Variants in RIPOR2 observed in about 807,000 individuals in gnomAD.
The protein encoded by RIPOR2 is RHO family interacting cell polarization regulator 2.
RIPOR2 carries 39 observed loss-of-function variants against 114.5 expected under a neutral mutation model. That is an observed-to-expected ratio of 0.34 (90% CI 0.26 to 0.44). RIPOR2 has a LOEUF of 0.44. RIPOR2 is among the 20% of genes least tolerant of loss of function. RIPOR2 has a pLI of 1.00. For synonymous variants in RIPOR2, 445 were observed against 484.4 expected (o/e 0.92, Z 1.07); for missense variants, 1,007 against 1,255.1 (o/e 0.80, Z 2.99).
intron 1 of RIPOR2, chr6:25,024,141 C>T: frequency 1.0e-6 from 1 of 999,762 alleles, no homozygotes; most frequent in Non-Finnish European, 1.6e-6. Context: ...ACCGGTGGCG[C>T]CGCGGGACAC....
At chr6:24,943,302 G>A (rs1400255179) in intron 1 of RIPOR2, among the ~76,000 whole-genome samples, 1 of 152,116 alleles carries the variant, frequency 6.6e-6, no homozygotes, top group Non-Finnish European at 1.5e-5. Context: ...GAGAACACTT[G>A]GACACAGGAA....
At chr6:24,841,492 G>A (rs75985316) in intron 13 of RIPOR2, among the ~76,000 whole-genome samples, 1 of 152,004 alleles carries the variant, frequency 6.6e-6, no homozygotes, top group East Asian at 1.9e-4. Flanking sequence ...TCATCTGCCT[G>A]GGGCACAAAT....
chr6:24,842,517 C>G (rs568942380), intron 13 of RIPOR2, among the ~76,000 whole-genome samples: 2 of 152,272 alleles, frequency 1.3e-5, no homozygotes, highest in Admixed American at 6.5e-5. Flanking sequence ...TTTCCCGACC[C>G]CCTGAGAGGG....
intron 7 of RIPOR2, among the ~76,000 whole-genome samples, chr6:24,863,289 T>C (rs947991606): frequency 6.6e-6 from 1 of 152,186 alleles, no homozygotes; most frequent in Non-Finnish European, 1.5e-5. Flanking sequence ...AAATGAGGTA[T>C]GAGGCTACAG....
Position 24,850,648 on chromosome 6 carries a change from A to G in RIPOR2, c.834T>C (p.Asp278=). ...GGGGCAGAAAAACTGTTTCTTCTCC[A>G]TCCCAGCTCTGCTTGCCATTTACTT... is the stretch of plus-strand genomic sequence containing the variant. ...KIEVNGKQSW[D]GEETVFLPLI... The change falls in exon 10 of 22, where the codon GAT becomes GAC. Residue 278 remains aspartate (D), a synonymous_variant. Coordinates refer to ENST00000643898, the MANE Select transcript of RIPOR2 (RefSeq NM_001286445.3). The G allele has an allele frequency of 6.2e-7, 1 of 1,613,930 alleles. No individual in the cohort carries two copies. The highest frequency in any genetic ancestry group is 2.2e-5 in the East Asian group (1 of 44,868).
At chr6:24,964,609 C>T (rs1360025007) in intron 1 of RIPOR2, among the ~76,000 whole-genome samples, 1 of 152,164 alleles carries the variant, frequency 6.6e-6, no homozygotes, top group Non-Finnish European at 1.5e-5. Flanking sequence ...CATTTGTGTA[C>T]AGGTTTTTGT....
chr6:24,892,263 G>A (rs1400978227), intron 1 of RIPOR2, among the ~76,000 whole-genome samples: 1 of 152,068 alleles, frequency 6.6e-6, no homozygotes, highest in Non-Finnish European at 1.5e-5. Flanking sequence ...GTTTGTACCC[G>A]ATAGATTTTT....
At chr6:25,015,905 T>TG (rs1419401903) in intron 1 of RIPOR2, 3 of 95,546 alleles carry the variant, frequency 3.1e-5, no homozygotes, top group East Asian at 1.7e-3. Context: ...GGTTTTTTTT[T>TG]TTTTTTTTTT....
chr6:24,829,434 C>A (rs943767331), intron 17 of RIPOR2, among the ~76,000 whole-genome samples: 1 of 152,022 alleles, frequency 6.6e-6, no homozygotes, highest in East Asian at 1.9e-4. Flanking sequence ...TCAAGACCAG[C>A]CTGGGCAAGA....
intron 13 of RIPOR2, 183 bp from the exon 14 acceptor site, chr6:24,839,455 TG>T: frequency 7.0e-7 from 1 of 1,436,978 alleles, no homozygotes; most frequent in East Asian, 2.5e-5. Flanking sequence ...ATGGATAAAA[TG>T]GCACAATATC....
intron 1 of RIPOR2, among the ~76,000 whole-genome samples, chr6:24,970,887 T>C (rs1259957564): frequency 6.1e-5 from 3 of 48,994 alleles, no homozygotes; most frequent in Non-Finnish European, 1.8e-4. Context: ...CTATGAGACA[T>C]TGCACAAATT....
chr6:24,986,824 G>A lies in RIPOR2; in HGVS notation c.76+55027C>T, dbSNP rs138675480. 3.7e-3 allele frequency among the ~76,000 whole-genome samples: 557 copies of A among 152,100 alleles called. 1 individual carries two copies. Among genetic ancestry groups the A allele is most frequent in the Non-Finnish European group, 6.2e-3 (424 of 68,002 alleles). ...CTTTGTGTTCCTTTAGAGCAGGGGT[G>A]TCCAATCTTTTGGCTTCCCTGGGCC... is the stretch of plus-strand genomic sequence containing the variant. On this transcript the variant is annotated intron_variant, in intron 1 of 13. Transcript: ENST00000510784.
intron 1 of RIPOR2, among the ~76,000 whole-genome samples, chr6:24,977,629 C>T (rs976230047): frequency 2.6e-5 from 4 of 151,998 alleles, no homozygotes; most frequent in South Asian, 2.1e-4. Flanking sequence ...CTAATAATCT[C>T]GATGGAAGGA....
intron 8 of RIPOR2, among the ~76,000 whole-genome samples, chr6:24,857,549 A>C (rs545900579): frequency 6.6e-6 from 1 of 151,830 alleles, no homozygotes; most frequent in Non-Finnish European, 1.5e-5. Context: ...GCTCTACATC[A>C]TTTTTCCCAG....
intron 1 of RIPOR2, among the ~76,000 whole-genome samples, chr6:25,021,518 C>G (rs1240093474): frequency 6.6e-6 from 1 of 152,168 alleles, no homozygotes; most frequent in African/African-American, 2.4e-5. Context: ...GACTATTATT[C>G]TAAGTGAAGT....
Position 24,843,397 on chromosome 6 carries a change from G to C in RIPOR2, c.1322C>G (p.Thr441Ser), listed in dbSNP as rs763401102. The change falls in exon 13 of 22, where the codon ACC (threonine) becomes AGC (serine). Residue 441 changes from threonine to serine, a missense_variant. Coordinates refer to ENST00000643898, the MANE Select transcript of RIPOR2 (RefSeq NM_001286445.3). ...GCTGCTGAGGTTAAACTCCGCAGGGGTGATGGTAATTTCTGGATTTGTTGA... is the reference window on the plus strand; with the variant it reads ...GCTGCTGAGGTTAAACTCCGCAGGGCTGATGGTAATTTCTGGATTTGTTGA... ...SNSTNPEITI[T>S]PAEFNLSSLA... 1 of 1,613,916 alleles carries C rather than the reference G, an allele frequency of 6.2e-7. No homozygotes were observed. Among genetic ancestry groups the C allele is most frequent in the Non-Finnish European group, 8.5e-7 (1 of 1,179,864 alleles).
chr6:24,870,904 G>A lies in RIPOR2; in HGVS notation c.424-15C>T. 2 of 1,567,700 alleles carry A rather than the reference G, an allele frequency of 1.3e-6. No individual in the cohort carries two copies. Among genetic ancestry groups the A allele is most frequent in the Non-Finnish European group, 1.7e-6 (2 of 1,151,198 alleles). The stretch of plus-strand genomic sequence containing the variant: ...TACAGTACACCCTACAATAAAAAAA[G>A]GAATATCTGCATTTAAACATTATCC... On this transcript the variant is annotated splice_polypyrimidine_tract_variant and intron_variant, in intron 4 of 21. Transcript: ENST00000643898.
At chr6:24,869,956 T>A (rs1764997095) in intron 5 of RIPOR2, among the ~76,000 whole-genome samples, 1 of 152,214 alleles carries the variant, frequency 6.6e-6, no homozygotes. Context: ...ATGCATTTAT[T>A]TGCCTTTTAA....
At chr6:24,995,655 T>C (rs530287102) in intron 1 of RIPOR2, among the ~76,000 whole-genome samples, 1 of 152,364 alleles carries the variant, frequency 6.6e-6, no homozygotes, top group South Asian at 2.1e-4. Flanking sequence ...ACCTCTTATA[T>C]GTTCTCAAGT....
Sources: gnomAD v4.1 joint callset for allele counts (sites outside exome capture counted in the v4.1 genomes callset) on GRCh38, gnomAD v4.1.1 for gene constraint, MANE v1.5 for transcripts, NCBI Gene and HGNC (gene_info 2026-07-23, HGNC 2026-07-21) for gene names.